SLC7A2: variants seen among roughly 807,000 people sequenced by gnomAD.
SLC7A2 encodes solute carrier family 7 member 2, also known as cationic amino acid transporter 2.
Under a neutral mutation model 58.9 loss-of-function variants are expected in SLC7A2, and 48 were observed. The observed-to-expected ratio is 0.82, with a 90% CI of 0.65 to 1.04. SLC7A2 has a LOEUF of 1.04. Ranked by LOEUF, SLC7A2 falls within the 50% of genes least tolerant of loss-of-function variation. The pLI is 0.00. For synonymous variants in SLC7A2, 363 were observed against 314.5 expected (o/e 1.15, Z -1.63); for missense variants, 1,029 against 818.8 (o/e 1.26, Z -3.13).
Position 17,551,850 on chromosome 8 carries a change from T to C in SLC7A2, c.919T>C (p.Ser307Pro). 6.2e-7 allele frequency: 1 copy of C among 1,614,014 alleles called. No individual in the cohort carries two copies. The highest frequency in any genetic ancestry group is 8.5e-7 in the Non-Finnish European group (1 of 1,180,016). Residue 307 changes from serine to proline, a missense_variant, in exon 7 of 13, where the codon TCT becomes CCT. Ser to Pro is a moderately conservative substitution (Grantham distance 74). Coordinates refer to ENST00000494857, the MANE Select transcript of SLC7A2 (RefSeq NM_001370338.1). ...LVCFMAYFGVSAALTLMMPYY... is the reference protein window; with the variant it reads ...LVCFMAYFGVPAALTLMMPYY... The stretch of plus-strand genomic sequence containing the variant: ...TTGCTTTATGGCCTATTTTGGGGTC[T>C]CTGCAGCTTTAACACTTATGATGCC...
chr8:17,519,437 A>T (rs1800929047), intron 2 of SLC7A2, among the ~76,000 whole-genome samples: 1 of 152,160 alleles, frequency 6.6e-6, no homozygotes, highest in African/African-American at 2.4e-5. Flanking sequence ...CTTTTTAAGC[A>T]ACAGTGATGA....
At chr8:17,505,229 C>G (rs970220288) in intron 2 of SLC7A2, among the ~76,000 whole-genome samples, 2 of 152,170 alleles carry the variant, frequency 1.3e-5, no homozygotes, top group African/African-American at 2.4e-5. Context: ...CAGTGGGCAA[C>G]TAGGGTTTCA....
chr8:17,554,356 A>G (rs1206482899), intron 7 of SLC7A2, among the ~76,000 whole-genome samples: 4 of 152,154 alleles, frequency 2.6e-5, no homozygotes, highest in Non-Finnish European at 4.4e-5. Flanking sequence ...AGAATAATGA[A>G]TAGCACAATG....
chr8:17,565,247 C>A lies in SLC7A2; in HGVS notation c.*101C>A. ...AGCATGCTGGGTTGTCATGGGTTTGCTGCATACATAGTTCACCCTAATTTA... is the reference window on the plus strand; with the variant it reads ...AGCATGCTGGGTTGTCATGGGTTTGATGCATACATAGTTCACCCTAATTTA... On this transcript the variant is annotated 3_prime_UTR_variant, in exon 13 of 13. Coordinates refer to ENST00000494857, the MANE Select transcript of SLC7A2 (RefSeq NM_001370338.1). 1 of 884,172 alleles carries A rather than the reference C, an allele frequency of 1.1e-6. No individual in the cohort carries two copies. Among genetic ancestry groups the A allele is most frequent in the Non-Finnish European group, 1.7e-6 (1 of 579,104 alleles). 54.8% of individuals were successfully genotyped at this position (884,172 alleles called of 1,614,324 possible). A position where few individuals can be genotyped will look rare whatever the true frequency, so the allele number is the denominator to read the frequency against.
intron 8 of SLC7A2, among the ~76,000 whole-genome samples, chr8:17,556,849 T>A (rs572396768): frequency 6.6e-6 from 1 of 152,276 alleles, no homozygotes; most frequent in South Asian, 2.1e-4. Flanking sequence ...CCTCAGGTGA[T>A]CTGCCCGGCC....
chr8:17,534,212 C>G (rs1563456067), intron 2 of SLC7A2, among the ~76,000 whole-genome samples: 1 of 152,084 alleles, frequency 6.6e-6, no homozygotes, highest in Non-Finnish European at 1.5e-5. Context: ...ATGGTTTCAT[C>G]CAGGTCTTTG....
intron 2 of SLC7A2, among the ~76,000 whole-genome samples, chr8:17,539,626 G>T (rs1801824379): frequency 6.6e-6 from 1 of 152,168 alleles, no homozygotes; most frequent in South Asian, 2.1e-4. Flanking sequence ...AAGGACAGGG[G>T]TGTGAGTTTT....
chr8:17,504,091 C>T (rs1410751692), intron 2 of SLC7A2, among the ~76,000 whole-genome samples: 1 of 152,156 alleles, frequency 6.6e-6, no homozygotes, highest in Non-Finnish European at 1.5e-5. Context: ...AGAGGCCTGG[C>T]GTTTTGCATT....
At chr8:17,533,946 G>A (rs946955809) in intron 2 of SLC7A2, among the ~76,000 whole-genome samples, 8 of 152,136 alleles carry the variant, frequency 5.3e-5, no homozygotes, top group African/African-American at 1.9e-4. Context: ...CCCAGTGTGT[G>A]TTGTTCCCCT....
chr8:17,529,205 T>G (rs1047848758), intron 2 of SLC7A2, among the ~76,000 whole-genome samples: 3 of 152,226 alleles, frequency 2.0e-5, no homozygotes, highest in Non-Finnish European at 4.4e-5. Context: ...TAGCACTGGT[T>G]TTCCTTACAG....
intron 2 of SLC7A2, among the ~76,000 whole-genome samples, chr8:17,504,982 G>A (rs142237604): frequency 6.6e-6 from 1 of 152,132 alleles, no homozygotes; most frequent in African/African-American, 2.4e-5. Flanking sequence ...TGGGAAAGAA[G>A]AACTCTAAGA....
intron 4 of SLC7A2, among the ~76,000 whole-genome samples, chr8:17,547,398 A>G (rs900763697): frequency 6.6e-6 from 1 of 152,150 alleles, no homozygotes; most frequent in Non-Finnish European, 1.5e-5. Flanking sequence ...CCCATGATAC[A>G]TGGGGATTAT....
chr8:17,562,009 G>T lies in SLC7A2; in HGVS notation c.1570G>T (p.Ala524Ser), dbSNP rs1169601165. ...AGTTCATGCCATCACCAGGCTGGAGGCCTGGAGCCTCGCTCTCCTCGCGCT... is the reference window on the plus strand; with the variant it reads ...AGTTCATGCCATCACCAGGCTGGAGTCCTGGAGCCTCGCTCTCCTCGCGCT... ...YGVHAITRLE[A>S]WSLALLALFL... is the part of the protein sequence containing the mutation. The change falls in exon 11 of 13, where the codon GCC (alanine) becomes TCC (serine). Residue 524 changes from alanine (A) to serine (S), a missense_variant. Transcript: ENST00000494857. The T allele has an allele frequency of 6.2e-7, 1 of 1,613,876 alleles. No individual in the cohort carries two copies. The highest frequency in any genetic ancestry group is 2.2e-5 in the East Asian group (1 of 44,886).
chr8:17,562,553 A>C (rs1803069862), intron 11 of SLC7A2, among the ~76,000 whole-genome samples: 1 of 151,980 alleles, frequency 6.6e-6, no homozygotes, highest in African/African-American at 2.4e-5. Flanking sequence ...TGGCCAGGCC[A>C]GTCTCAAACT....
At chr8:17,521,192 G>A (rs1418554540) in intron 2 of SLC7A2, among the ~76,000 whole-genome samples, 1 of 152,066 alleles carries the variant, frequency 6.6e-6, no homozygotes, top group African/African-American at 2.4e-5. Flanking sequence ...ATATGAAATT[G>A]TATATTTTGA....
chr8:17,524,700 G>A (rs983618995), intron 2 of SLC7A2, among the ~76,000 whole-genome samples: 1 of 152,060 alleles, frequency 6.6e-6, no homozygotes, highest in Non-Finnish European at 1.5e-5. Context: ...TACACACTGG[G>A]TACAGGGTAC....
At chr8:17,519,547 C>T (rs1038784533) in intron 2 of SLC7A2, among the ~76,000 whole-genome samples, 7 of 152,166 alleles carry the variant, frequency 4.6e-5, no homozygotes, top group South Asian at 2.1e-4. Flanking sequence ...CCCTGTCCCT[C>T]CGGGTCAGCC....
At chr8:17,509,015 T>G (rs1415628118) in intron 2 of SLC7A2, among the ~76,000 whole-genome samples, 1 of 152,090 alleles carries the variant, frequency 6.6e-6, no homozygotes, top group African/African-American at 2.4e-5. Context: ...GCTGGTGGTG[T>G]AAGGCAGGCG....
At position 17,570,391 on chromosome 8, in the gene SLC7A2, G is replaced by T. The variant is rs745814019; in HGVS notation, c.*5245G>T. ...CATTGGACTTGTGTGAATGTACAGG[G>T]TTTTTTTAGTAGTAATTTTAAATTT... On this transcript the variant is annotated 3_prime_UTR_variant, in exon 13 of 13. Coordinates refer to ENST00000494857, the MANE Select transcript of SLC7A2 (RefSeq NM_001370338.1). 2 of 152,518 alleles carry T rather than the reference G, an allele frequency of 1.3e-5. No homozygotes were observed. Among genetic ancestry groups the T allele is most frequent in the African/African-American group, 4.8e-5 (2 of 41,402 alleles). The allele number at this position is 152,518 out of a possible 1,614,324, so 9.4% of individuals were successfully genotyped here.
Sources: allele counts gnomAD v4.1 joint callset (sites outside exome capture counted in the v4.1 genomes callset), GRCh38; gene constraint gnomAD v4.1.1; transcripts MANE v1.5; gene names NCBI Gene and HGNC (gene_info 2026-07-23, HGNC 2026-07-21).